The following ACACB variants were observed in gnomAD, a reference collection of about 807,000 sequenced individuals.
ACACB encodes the protein acetyl-CoA carboxylase 2.
ACACB carries 209 observed loss-of-function variants against 278.8 expected under a neutral mutation model. The ratio of observed to expected loss-of-function variants is 0.75; its 90% CI spans 0.67 to 0.84. The LOEUF is 0.84. Ranked by LOEUF, ACACB falls within the 40% of genes least tolerant of loss-of-function variation. The pLI, the probability that ACACB is intolerant of heterozygous loss-of-function variation, is 0.00. For missense variants in ACACB, 2,850 were observed against 3,269.0 expected (o/e 0.87, Z 3.13); for synonymous variants, 1,174 against 1,285.6 (o/e 0.91, Z 1.86).
intron 17 of ACACB, among the ~76,000 whole-genome samples, chr12:109,198,792 T>A (rs1336030748): frequency 6.6e-6 from 1 of 152,132 alleles, no homozygotes; most frequent in African/African-American, 2.4e-5. Context: ...AGCTATTTTT[T>A]TTTTTTTATT....
At chr12:109,221,023 A>G (rs2136502092) in intron 24 of ACACB, among the ~76,000 whole-genome samples, 1 of 152,274 alleles carries the variant, frequency 6.6e-6, no homozygotes, top group East Asian at 1.9e-4. Context: ...GCTGGCCAGC[A>G]CCTGTGCTGT....
intron 12 of ACACB, 71 bp downstream of exon 12, chr12:109,185,811 C>A: frequency 6.8e-7 from 1 of 1,473,166 alleles, no homozygotes; most frequent in South Asian, 1.4e-5. Flanking sequence ...TGGATGTTAG[C>A]CTGGGAAGAG....
rs2878960 is a variant in ACACB at position 109,139,930 on chromosome 12, C to T, written c.525C>T (p.Ser175=). 0.62 allele frequency: 996,978 copies of T among 1,613,780 alleles called. 319,608 individuals carry two copies. The highest frequency in any genetic ancestry group is 0.68 in the Middle Eastern group (4,106 of 6,062). ...FILGSFDDYS[S]DEDSVAGSSR... ...TGGGCTCTTTTGATGACTACTCCTC[C>T]GACGAGGACTCTGTTGCTGGCTCAT... The change falls in exon 2 of 53, where the codon TCC becomes TCT. Residue 175 remains serine (S), a synonymous_variant. Transcript: ENST00000338432.
rs574068471 is a variant in ACACB, at chr12:109,261,717, A to G, written c.6675-640A>G. Among the ~76,000 whole-genome samples, 14 of 152,074 alleles carry G rather than the reference A, an allele frequency of 9.2e-5. No homozygotes were observed. In the East Asian group the frequency reaches 2.3e-3, roughly 25 times the overall value. On this transcript the variant is annotated intron_variant, in intron 48 of 52. Transcript: ENST00000338432. Reference sequence around the variant, plus strand: ...GAAACCCCGTCTCTACTAAAAATACAAAAATTAGCTGGGCATGGTGGTACA... The same window carrying G: ...GAAACCCCGTCTCTACTAAAAATACGAAAATTAGCTGGGCATGGTGGTACA...
At position 109,260,529 on chromosome 12, in the gene ACACB, T is replaced by G; in HGVS notation, c.6546T>G (p.Leu2182=). ...TTGGAGCCTACATCGTGGACGGCCT[T>G]AGACAATACAAACAGCCCATCCTGA... is the stretch of plus-strand genomic sequence containing the variant. ...LKFGAYIVDG[L]RQYKQPILIY... Residue 2182 remains leucine (L), a synonymous_variant, in exon 48 of 53, where the codon CTT becomes CTG. Coordinates refer to ENST00000338432, the MANE Select transcript of ACACB (RefSeq NM_001093.4). 1 of 1,614,238 alleles carries G rather than the reference T, an allele frequency of 6.2e-7. No individual in the cohort carries two copies. The highest frequency in any genetic ancestry group is 8.5e-7 in the Non-Finnish European group (1 of 1,180,042).
chr12:109,190,001 C>A (rs565883280), intron 13 of ACACB, among the ~76,000 whole-genome samples: 1 of 152,268 alleles, frequency 6.6e-6, no homozygotes, highest in East Asian at 1.9e-4. Flanking sequence ...ATCCCAGCTA[C>A]TCGGGAGGCT....
chr12:109,256,326 T>G (rs2047223966), intron 45 of ACACB, 90 bp downstream of exon 45: 1 of 994,664 alleles, frequency 1.0e-6, no homozygotes, highest in Non-Finnish European at 1.6e-6. Context: ...CCAGGGGCAA[T>G]TTTCTTCTTG....
chr12:109,137,449 C>T (rs1335668359), intron 1 of ACACB, among the ~76,000 whole-genome samples: 1 of 152,070 alleles, frequency 6.6e-6, no homozygotes, highest in African/African-American at 2.4e-5. Flanking sequence ...CACTTGAGGT[C>T]AGGAGTTAGA....
At position 109,232,915 on chromosome 12, in the gene ACACB, C is replaced by T. The variant is rs115823914; in HGVS notation, c.4139+109C>T. 3,941 of 1,303,946 alleles carry T rather than the reference C, an allele frequency of 3.0e-3. 86 individuals are homozygous for T. In the African/African-American group the frequency reaches 0.045, roughly 15 times the overall value. 80.8% of individuals were successfully genotyped at this position (1,303,946 alleles called of 1,614,324 possible). A position where few individuals can be genotyped will look rare whatever the true frequency, so the allele number is the denominator to read the frequency against. On this transcript the variant is annotated intron_variant, in intron 29 of 52. Transcript: ENST00000338432. ...AGATGGGGTGGGAGAGACCCAGACA[C>T]GTGGCACAGCATGTCAATAACAACA...
At chr12:109,263,202 A>G (rs1565986150) in intron 49 of ACACB, 1 of 151,346 alleles carries the variant, frequency 6.6e-6, no homozygotes, top group Admixed American at 6.6e-5. Flanking sequence ...TTTGAGACAG[A>G]GTCTTGCTCT....
intron 35 of ACACB, 90 bp downstream of exon 35, chr12:109,240,075 C>T: frequency 6.8e-7 from 1 of 1,466,632 alleles, no homozygotes; most frequent in South Asian, 1.3e-5. Flanking sequence ...CCACTCAAGA[C>T]CTGGGTTCCA....
chr12:109,193,509 C>T (rs1247122005), intron 15 of ACACB, 139 bp from the exon 16 acceptor site: 6 of 673,618 alleles, frequency 8.9e-6, no homozygotes, highest in Non-Finnish European at 1.0e-5. Context: ...TGAGCCATTG[C>T]GCCCAGCCCA....
intron 2 of ACACB, among the ~76,000 whole-genome samples, chr12:109,144,205 C>G (rs2043184815): frequency 6.6e-6 from 1 of 151,956 alleles, no homozygotes. Flanking sequence ...CCCAGCTACT[C>G]AGGAGGCTGA....
chr12:109,183,449 C>A (rs150481785), intron 11 of ACACB, among the ~76,000 whole-genome samples: 1 of 152,278 alleles, frequency 6.6e-6, no homozygotes, highest in African/African-American at 2.4e-5. Context: ...GTGTCCTCTT[C>A]AATTTCTCAC....
At chr12:109,250,161 A>C in intron 41 of ACACB, 57 bp downstream of exon 41, 1 of 1,493,000 alleles carries the variant, frequency 6.7e-7, no homozygotes, top group South Asian at 1.3e-5. Context: ...AAACTTTAAA[A>C]TTGTCACAAA....
chr12:109,246,064 T>C, intron 38 of ACACB, 115 bp from the exon 39 acceptor site: 1 of 1,261,024 alleles, frequency 7.9e-7, no homozygotes, highest in Non-Finnish European at 1.1e-6. Flanking sequence ...CACTCTGGCC[T>C]GCGCAACAGA....
chr12:109,185,802 G>A (rs1276157371), intron 12 of ACACB, 62 bp downstream of exon 12: 2 of 1,511,648 alleles, frequency 1.3e-6, no homozygotes, highest in Non-Finnish European at 1.8e-6. Flanking sequence ...GGGGGACCCT[G>A]GATGTTAGCC....
intron 16 of ACACB, among the ~76,000 whole-genome samples, chr12:109,194,821 G>A (rs1038332192): frequency 2.0e-5 from 3 of 152,112 alleles, no homozygotes; most frequent in Non-Finnish European, 4.4e-5. Context: ...ATGAATTTTG[G>A]AGGATATTAT....
At chr12:109,204,267 A>G (rs1240500607) in intron 19 of ACACB, among the ~76,000 whole-genome samples, 2 of 125,278 alleles carry the variant, frequency 1.6e-5, no homozygotes, top group Admixed American at 1.9e-4. Context: ...TATCAATACT[A>G]TATCTTTTTT....
Sources: allele counts gnomAD v4.1 joint callset (sites outside exome capture counted in the v4.1 genomes callset), GRCh38; gene constraint gnomAD v4.1.1; transcripts MANE v1.5; gene names NCBI Gene and HGNC (gene_info 2026-07-23, HGNC 2026-07-21).